The following PTPRD variants were observed in gnomAD, a reference collection of about 807,000 sequenced individuals.
The protein encoded by PTPRD is receptor-type tyrosine-protein phosphatase delta.
A neutral mutation model predicts 214.5 loss-of-function variants in PTPRD; 34 were observed. That is an observed-to-expected ratio of 0.16 (90% confidence interval 0.12 to 0.21). The LOEUF (loss-of-function observed/expected upper bound fraction) is 0.21. PTPRD is among the 10% of genes least tolerant of loss of function. The probability of loss-of-function intolerance (pLI) is 1.00; values close to 1 mark genes in which losing one functional copy is unlikely to be tolerated. For synonymous variants in PTPRD, 1,128 were observed against 845.7 expected (o/e 1.33, Z -5.79); for missense variants, 2,545 against 2,398.7 (o/e 1.06, Z -1.27).
chr9:9,470,169 A>C (rs2094493167), intron 8 of PTPRD, among the ~76,000 whole-genome samples: 1 of 152,182 alleles, frequency 6.6e-6, no homozygotes, highest in African/African-American at 2.4e-5. Context: ...GATGTGTAAT[A>C]TGATGAGGCT....
At chr9:9,815,678 T>C (rs1453101268) in intron 5 of PTPRD, among the ~76,000 whole-genome samples, 2 of 152,050 alleles carry the variant, frequency 1.3e-5, no homozygotes, top group African/African-American at 2.4e-5. Flanking sequence ...ATATCACTTA[T>C]ATGTGGAATC....
intron 11 of PTPRD, among the ~76,000 whole-genome samples, chr9:8,781,214 G>A (rs1599587627): frequency 2.0e-5 from 3 of 152,130 alleles, no homozygotes; most frequent in East Asian, 3.9e-4. Flanking sequence ...ATCGGCAGGG[G>A]GCAATCAGCT....
intron 44 of PTPRD, among the ~76,000 whole-genome samples, chr9:8,327,937 C>G (rs919411561): frequency 6.8e-6 from 1 of 147,118 alleles, no homozygotes; most frequent in African/African-American, 2.6e-5. Flanking sequence ...CTCCTGAATA[C>G]AGCACACTGA....
chr9:8,523,857 C>T (rs1463890636), intron 18 of PTPRD, among the ~76,000 whole-genome samples: 1 of 152,058 alleles, frequency 6.6e-6, no homozygotes, highest in East Asian at 1.9e-4. Flanking sequence ...CTTCATATTT[C>T]CCCACCCCAG....
At chr9:9,521,924 G>C (rs1394748459) in intron 8 of PTPRD, among the ~76,000 whole-genome samples, 1 of 152,106 alleles carries the variant, frequency 6.6e-6, no homozygotes, top group Non-Finnish European at 1.5e-5. Flanking sequence ...TTGGGAGGCA[G>C]AGGCAGGTGG....
intron 2 of PTPRD, among the ~76,000 whole-genome samples, chr9:10,354,646 G>C (rs1401991297): frequency 1.3e-5 from 2 of 152,094 alleles, no homozygotes; most frequent in African/African-American, 2.4e-5. Flanking sequence ...TTAAGAACTT[G>C]TTTTAAAATA....
At chr9:9,501,054 A>G (rs895520238) in intron 8 of PTPRD, among the ~76,000 whole-genome samples, 1 of 152,034 alleles carries the variant, frequency 6.6e-6, no homozygotes, top group African/African-American at 2.4e-5. Flanking sequence ...AAAGATATTC[A>G]ATTAACAAAA....
intron 2 of PTPRD, among the ~76,000 whole-genome samples, chr9:10,352,483 T>A (rs1039081636): frequency 6.6e-6 from 1 of 152,048 alleles, no homozygotes; most frequent in Non-Finnish European, 1.5e-5. Flanking sequence ...AAATTTTACA[T>A]CACCTTTGCA....
intron 9 of PTPRD, among the ~76,000 whole-genome samples, chr9:9,275,066 T>TTATATA (rs71485092): frequency 9.6e-5 from 7 of 73,040 alleles, no homozygotes; most frequent in Non-Finnish European, 1.7e-4. Flanking sequence ...TATATATATA[T>TTATATA]TATATATATA....
chr9:10,477,199 T>A (rs548919563), intron 2 of PTPRD, among the ~76,000 whole-genome samples: 1 of 152,156 alleles, frequency 6.6e-6, no homozygotes, highest in African/African-American at 2.4e-5. Flanking sequence ...ACAGGCAACC[T>A]AAAGAATGGG....
intron 8 of PTPRD, among the ~76,000 whole-genome samples, chr9:9,452,177 A>G (rs2092325829): frequency 6.6e-6 from 1 of 151,406 alleles, no homozygotes; most frequent in Non-Finnish European, 1.5e-5. Flanking sequence ...GAAAGGATAA[A>G]TCAACTTAAG....
At chr9:9,279,385 T>A (rs752370188) in intron 9 of PTPRD, among the ~76,000 whole-genome samples, 3 of 143,864 alleles carry the variant, frequency 2.1e-5, no homozygotes, top group Non-Finnish European at 4.7e-5. Flanking sequence ...CTGCTGGCAA[T>A]AGATAGATAT....
Position 10,458,770 on chromosome 9 carries a change from C to A in PTPRD, c.-599-117753G>T, listed in dbSNP as rs527649796. On this transcript the variant is annotated intron_variant, in intron 2 of 45. Coordinates refer to ENST00000381196, the MANE Select transcript of PTPRD (RefSeq NM_002839.4). ...ATTATCTGTATTTGCAAATGATACC[C>A]TTTATGTAGAAAACGTCAAAGACAC... 1.1e-4 allele frequency among the ~76,000 whole-genome samples: 17 copies of A among 150,566 alleles called. No homozygotes were observed. The South Asian group carries it at 3.6e-3, about 32-fold the overall frequency.
intron 26 of PTPRD, among the ~76,000 whole-genome samples, chr9:8,495,223 T>C (rs990993703): frequency 6.6e-6 from 1 of 152,166 alleles, no homozygotes; most frequent in Non-Finnish European, 1.5e-5. Flanking sequence ...TAAAAATCAT[T>C]CCTGGAAGTA....
At chr9:8,699,782 A>C (rs1225555340) in intron 12 of PTPRD, among the ~76,000 whole-genome samples, 1 of 152,036 alleles carries the variant, frequency 6.6e-6, no homozygotes, top group Non-Finnish European at 1.5e-5. Context: ...GAAAAAAAAA[A>C]AAAGAACACA....
chr9:9,277,786 T>C (rs976539652), intron 9 of PTPRD, among the ~76,000 whole-genome samples: 3 of 151,348 alleles, frequency 2.0e-5, no homozygotes, highest in Admixed American at 6.6e-5. Flanking sequence ...CCAACATTTT[T>C]GGAAGTACCA....
intron 14 of PTPRD, among the ~76,000 whole-genome samples, chr9:8,539,569 C>T (rs1177658051): frequency 6.6e-6 from 1 of 151,746 alleles, no homozygotes; most frequent in Non-Finnish European, 1.5e-5. Context: ...CTTACAGAAA[C>T]AACCTTGATT....
intron 9 of PTPRD, among the ~76,000 whole-genome samples, chr9:9,360,369 A>G (rs533836714): frequency 6.6e-6 from 1 of 151,388 alleles, no homozygotes; most frequent in South Asian, 2.1e-4. Flanking sequence ...AATCTATGGA[A>G]GCTTTTACCT....
chr9:8,507,553 A>C, intron 21 of PTPRD, 119 bp from the exon 22 acceptor site: 1 of 1,209,344 alleles, frequency 8.3e-7, no homozygotes. Flanking sequence ...AGCTTAGTGG[A>C]AAACAAGCTC....
Sources: gnomAD v4.1 joint callset for allele counts (sites outside exome capture counted in the v4.1 genomes callset) on GRCh38, gnomAD v4.1.1 for gene constraint, MANE v1.5 for transcripts, NCBI Gene and HGNC (gene_info 2026-07-23, HGNC 2026-07-21) for gene names.